The following IGF2BP2 variants were observed in gnomAD, a reference collection of about 807,000 sequenced individuals.
The protein encoded by IGF2BP2 is insulin-like growth factor 2 mRNA-binding protein 2.
IGF2BP2 carries 17 observed loss-of-function variants against 75.8 expected under a neutral mutation model. The observed-to-expected ratio is 0.22, with a 90% CI of 0.15 to 0.34. The LOEUF (loss-of-function observed/expected upper bound fraction) is 0.34, where lower values mean the gene tolerates loss of function less well. Ranked by LOEUF, IGF2BP2 falls within the 10% of genes least tolerant of loss-of-function variation. The pLI is 1.00. For synonymous variants in IGF2BP2, 288 were observed against 295.6 expected (o/e 0.97, Z 0.26); for missense variants, 516 against 772.4 (o/e 0.67, Z 3.93).
At chr3:185,740,310 C>CA (rs974117835) in intron 2 of IGF2BP2, among the ~76,000 whole-genome samples, 1 of 152,194 alleles carries the variant, frequency 6.6e-6, no homozygotes, top group African/African-American at 2.4e-5. Flanking sequence ...ATTCATTTAC[C>CA]ATTTAATCAA....
chr3:185,794,292 GCCCTC>G, intron 2 of IGF2BP2, among the ~76,000 whole-genome samples: 1 of 71,296 alleles, frequency 1.4e-5, no homozygotes, highest in African/African-American at 7.7e-5. Flanking sequence ...GACCCGGGCT[GCCCTC>G]ATATCACAGG....
At chr3:185,771,644 C>T (rs1034197599) in intron 2 of IGF2BP2, among the ~76,000 whole-genome samples, 1 of 152,076 alleles carries the variant, frequency 6.6e-6, no homozygotes, top group Non-Finnish European at 1.5e-5. Flanking sequence ...CTCTGGCTGC[C>T]GTCGCTTCTC....
chr3:185,663,113 T>C (rs563333459), intron 10 of IGF2BP2, among the ~76,000 whole-genome samples: 6 of 152,328 alleles, frequency 3.9e-5, no homozygotes, highest in Non-Finnish European at 8.8e-5. Context: ...GGAAAGCAGG[T>C]TGTAGTCATC....
chr3:185,766,515 T>TA (rs1185926736), intron 2 of IGF2BP2, among the ~76,000 whole-genome samples: 2 of 152,180 alleles, frequency 1.3e-5, no homozygotes, highest in African/African-American at 4.8e-5. Context: ...TGTCCATAAA[T>TA]AAAGTTTTAT....
At chr3:185,659,161 GT>G (rs1715977175) in intron 10 of IGF2BP2, among the ~76,000 whole-genome samples, 1 of 152,080 alleles carries the variant, frequency 6.6e-6, no homozygotes, top group Admixed American at 6.5e-5. Flanking sequence ...TGAGGCTGCA[GT>G]GAGCTATGAT....
chr3:185,722,256 T>C (rs1176527510), intron 2 of IGF2BP2: 10 of 456,004 alleles, frequency 2.2e-5, no homozygotes, highest in Admixed American at 1.9e-4. Flanking sequence ...CCCCATTCCA[T>C]AGGGGGTGAA....
chr3:185,760,920 T>G lies in IGF2BP2; in HGVS notation c.239+62233A>C, dbSNP rs1732271520. On this transcript the variant is annotated intron_variant, in intron 2 of 15. Transcript: ENST00000382199. Reference sequence around the variant, plus strand: ...ATTTCCCTCTGTCCTCACTTTAGTATTCAACCTTAATTTTCCTTTTGTTTT... The same window carrying G: ...ATTTCCCTCTGTCCTCACTTTAGTAGTCAACCTTAATTTTCCTTTTGTTTT... Among the ~76,000 whole-genome samples, 5 of 152,356 alleles carry G rather than the reference T, an allele frequency of 3.3e-5. 1 individual carries two copies. In the South Asian group the frequency reaches 1.0e-3, roughly 32 times the overall value.
chr3:185,780,802 C>T (rs1399259220), intron 2 of IGF2BP2, among the ~76,000 whole-genome samples: 1 of 152,122 alleles, frequency 6.6e-6, no homozygotes, highest in Non-Finnish European at 1.5e-5. Flanking sequence ...GAGCACATAT[C>T]GTCCCCATTT....
intron 10 of IGF2BP2, among the ~76,000 whole-genome samples, chr3:185,665,248 AAGGAGAAGG>A (rs1284632681): frequency 8.3e-6 from 1 of 120,700 alleles, no homozygotes; most frequent in Non-Finnish European, 1.8e-5. Context: ...GAAGGAGAAG[AAGGAGAAGG>A]AGGAGGAGGA....
chr3:185,762,865 A>AT (rs1367111721), intron 2 of IGF2BP2, among the ~76,000 whole-genome samples: 1 of 152,110 alleles, frequency 6.6e-6, no homozygotes, highest in Non-Finnish European at 1.5e-5. Flanking sequence ...AGCTATTCTC[A>AT]CCCCCACCAA....
intron 2 of IGF2BP2, chr3:185,716,976 T>C (rs537464242): frequency 5.4e-6 from 2 of 368,244 alleles, no homozygotes; most frequent in South Asian, 4.1e-5. Flanking sequence ...CCCAGTACTG[T>C]ACATGCTCAA....
intron 12 of IGF2BP2, among the ~76,000 whole-genome samples, chr3:185,655,779 AAC>A (rs1715343936): frequency 6.6e-6 from 1 of 152,200 alleles, no homozygotes; most frequent in Admixed American, 6.5e-5. Context: ...ATGGTGGAAA[AAC>A]ACACTAGACC....
intron 3 of IGF2BP2, among the ~76,000 whole-genome samples, chr3:185,697,298 G>C (rs1364154055): frequency 2.0e-5 from 3 of 152,070 alleles, no homozygotes; most frequent in Non-Finnish European, 2.9e-5. Context: ...TAGAGACGTG[G>C]TTTCACCATG....
At chr3:185,658,308 T>C (rs1249797623) in intron 11 of IGF2BP2, 33 bp downstream of exon 11, 3 of 1,597,896 alleles carry the variant, frequency 1.9e-6, no homozygotes, top group African/African-American at 2.7e-5. Flanking sequence ...CCAGGAGAAG[T>C]GGCAGGTGCG....
At chr3:185,648,023 G>A (rs370037008) in intron 14 of IGF2BP2, among the ~76,000 whole-genome samples, 4 of 152,374 alleles carry the variant, frequency 2.6e-5, no homozygotes, top group African/African-American at 7.2e-5. Flanking sequence ...CGCCTAAAGC[G>A]CAGTGTGTGC....
chr3:185,820,229 T>TACACTACACACACACACAC (rs1741176475), intron 2 of IGF2BP2, among the ~76,000 whole-genome samples: 2 of 133,818 alleles, frequency 1.5e-5, no homozygotes, highest in African/African-American at 5.6e-5. Flanking sequence ...TGTGTATATA[T>TACACTACACACACACACAC]ACACATACAC....
At chr3:185,712,738 A>AC (rs1724992899) in intron 2 of IGF2BP2, 2 of 152,102 alleles carry the variant, frequency 1.3e-5, no homozygotes, top group African/African-American at 2.4e-5. Flanking sequence ...AAAAAAAAAA[A>AC]CAATAATCTC....
intron 2 of IGF2BP2, among the ~76,000 whole-genome samples, chr3:185,804,843 T>A (rs1346483569): frequency 6.6e-6 from 1 of 150,938 alleles, no homozygotes; most frequent in South Asian, 2.1e-4. Flanking sequence ...TAAAAAAAAA[T>A]TAGCTGGGAG....
rs373187189 is a variant in IGF2BP2, at chr3:185,705,487, G to T, written c.240-7140C>A. Among the ~76,000 whole-genome samples the T allele has an allele frequency of 2.8e-4, 43 of 151,840 alleles. No homozygotes were observed. The South Asian group carries it at 8.3e-3, about 29-fold the overall frequency. On this transcript the variant is annotated intron_variant, in intron 2 of 15. Transcript: ENST00000382199. ...CATGTTCACAAAACCATAAGCCCCA[G>T]AACAGCCCTCATAACTCATGCTTCC...
Sources: gnomAD v4.1 joint callset for allele counts (sites outside exome capture counted in the v4.1 genomes callset) on GRCh38, gnomAD v4.1.1 for gene constraint, MANE v1.5 for transcripts, NCBI Gene and HGNC (gene_info 2026-07-23, HGNC 2026-07-21) for gene names.